PIMREG: variants seen among roughly 807,000 people sequenced by gnomAD.
PIMREG encodes the protein PICALM interacting mitotic regulator.
A neutral mutation model predicts 24.3 loss-of-function variants in PIMREG; 19 were observed. That is an observed-to-expected ratio of 0.78 (90% CI 0.54 to 1.15). PIMREG has a LOEUF of 1.15. PIMREG is among the 50% of genes most tolerant of loss of function. PIMREG has a pLI of 0.00. For synonymous variants in PIMREG, 112 were observed against 124.1 expected (o/e 0.90, Z 0.65); for missense variants, 283 against 306.8 (o/e 0.92, Z 0.58).
At chr17:6,449,695 T>G in intron 4 of PIMREG, 1 of 1,386,616 alleles carries the variant, frequency 7.2e-7, no homozygotes, top group East Asian at 2.6e-5. Flanking sequence ...AAACCTGCCC[T>G]TCCTCCAGAA....
At position 6,445,148 on chromosome 17, in the gene PIMREG, G is replaced by T. The variant is rs374481767; in HGVS notation, c.38G>T (p.Arg13Leu). 16 of 1,609,004 alleles carry T rather than the reference G, an allele frequency of 9.9e-6. No individual in the cohort carries two copies. The Admixed American group carries it at 2.5e-4, about 25-fold the overall frequency. The part of the protein sequence containing the change: ...SRWQNMGTSV[R>L]RRSLQHQEQL... ...TGGCAGAACATGGGGACCTCCGTGC[G>T]CCGGAGATCTCTCCAGCACCAGGAG... Residue 13 changes from arginine to leucine, a missense_variant, in exon 2 of 6, where the codon CGC (arginine) becomes CTC (leucine). Transcript: ENST00000572447.
chr17:6,448,486 G>A (rs1212367990), intron 3 of PIMREG, among the ~76,000 whole-genome samples: 1 of 152,108 alleles, frequency 6.6e-6, no homozygotes, highest in Non-Finnish European at 1.5e-5. Flanking sequence ...GGAACTTTGA[G>A]CTGTAATTAA....
chr17:6,450,025 T>C lies in PIMREG; in HGVS notation c.687-3T>C. 6.2e-7 allele frequency: 1 copy of C among 1,614,058 alleles called. No homozygotes were observed. Among genetic ancestry groups the C allele is most frequent in the East Asian group, 2.2e-5 (1 of 44,880 alleles). On this transcript the variant is annotated splice_region_variant and splice_polypyrimidine_tract_variant and intron_variant, in intron 4 of 5. Coordinates refer to ENST00000572447, the MANE Select transcript of PIMREG (RefSeq NM_019013.3). ...TGGCATCAATCCCTCCCCTTCTCTC[T>C]AGTGGTGACATCGTCTCTCTCATTC...
intron 3 of PIMREG, among the ~76,000 whole-genome samples, chr17:6,448,322 A>G (rs1474346238): frequency 1.3e-5 from 2 of 150,126 alleles, no homozygotes; most frequent in Non-Finnish European, 3.0e-5. Context: ...AAAGAAAACA[A>G]AACAACAACT....
At chr17:6,446,807 C>G (rs553896192) in intron 2 of PIMREG, among the ~76,000 whole-genome samples, 2 of 152,102 alleles carry the variant, frequency 1.3e-5, no homozygotes, top group Non-Finnish European at 2.9e-5. Flanking sequence ...GGGTGCTGGG[C>G]GGGGTGGCCT....
At chr17:6,448,923 C>T (rs1321826647) in intron 3 of PIMREG, among the ~76,000 whole-genome samples, 3 of 152,220 alleles carry the variant, frequency 2.0e-5, no homozygotes, top group Non-Finnish European at 2.9e-5. Context: ...CCCGGTTCCG[C>T]GTCCAGAGCC....
intron 3 of PIMREG, among the ~76,000 whole-genome samples, chr17:6,448,243 A>G (rs946965403): frequency 7.6e-6 from 1 of 130,792 alleles, no homozygotes; most frequent in Non-Finnish European, 1.6e-5. Flanking sequence ...AGATCGCGCC[A>G]CTGCACTCCA....
intron 5 of PIMREG, 29 bp downstream of exon 5, chr17:6,450,101 C>T (rs772932601): frequency 6.2e-7 from 1 of 1,608,302 alleles, no homozygotes; most frequent in East Asian, 2.2e-5. Context: ...GAGTCTTTCT[C>T]ACTGTCCTTC....
At chr17:6,447,187 C>G (rs541789384) in intron 2 of PIMREG, among the ~76,000 whole-genome samples, 49 of 152,086 alleles carry the variant, frequency 3.2e-4, no homozygotes, top group Non-Finnish European at 5.9e-4. Flanking sequence ...TCTCGGCTCA[C>G]TGCAACCTCC....
At chr17:6,449,772 G>A (rs1913741408) in intron 4 of PIMREG, 2 of 1,413,652 alleles carry the variant, frequency 1.4e-6, no homozygotes, top group African/African-American at 1.4e-5. Flanking sequence ...CTGCTATGGA[G>A]TTCCTGGTCT....
chr17:6,449,711 C>T (rs770320051), intron 4 of PIMREG: 9 of 1,395,640 alleles, frequency 6.4e-6, no homozygotes, highest in South Asian at 1.8e-5. Flanking sequence ...CAGAACTCTC[C>T]GTGGCTCGTC....
At chr17:6,449,482 G>A in intron 4 of PIMREG, 75 bp downstream of exon 4, 1 of 1,381,252 alleles carries the variant, frequency 7.2e-7, no homozygotes, top group East Asian at 2.3e-5. Flanking sequence ...GCAGGCGTTG[G>A]TTCTGCTCTG....
chr17:6,450,713 C>T lies in PIMREG; in HGVS notation c.*366C>T, dbSNP rs1051443. 2.7e-6 allele frequency: 1 copy of T among 372,258 alleles called. No homozygotes were observed. Among genetic ancestry groups the T allele is most frequent in the South Asian group, 9.1e-5 (1 of 10,976 alleles). 23.1% of individuals were successfully genotyped at this position (372,258 alleles called of 1,614,324 possible). On this transcript the variant is annotated 3_prime_UTR_variant, in exon 6 of 6. Coordinates refer to ENST00000572447, the MANE Select transcript of PIMREG (RefSeq NM_019013.3). Reference sequence around the variant, plus strand: ...ATCAGATATTTGAGAGCTCTTAGCTCTGTACCCGGGTGCCTGGTTTTTGGG... The same window carrying T: ...ATCAGATATTTGAGAGCTCTTAGCTTTGTACCCGGGTGCCTGGTTTTTGGG...
chr17:6,444,764 G>C lies in PIMREG; in HGVS notation c.-36+276G>C, dbSNP rs1913507042. Among the ~76,000 whole-genome samples the C allele has an allele frequency of 2.6e-5, 4 of 152,084 alleles. No individual in the cohort carries two copies. The highest frequency in any genetic ancestry group is 2.6e-4 in the Admixed American group (4 of 15,268). ...TGAAGAAGATGGTGATCGTGTCCTGGGCCCAGCGCTGAAGCTCGGCTACGG... is the reference window on the plus strand; with the variant it reads ...TGAAGAAGATGGTGATCGTGTCCTGCGCCCAGCGCTGAAGCTCGGCTACGG... On this transcript the variant is annotated intron_variant, in intron 1 of 5. Transcript: ENST00000572447. This position sits in a 1 kb window ranked among gnomAD's most constrained non-coding sequence, Gnocchi z 4.3.
In PIMREG at chr17:6,450,638, A is replaced by G; in HGVS notation, c.*291A>G. On this transcript the variant is annotated 3_prime_UTR_variant, in exon 6 of 6. Coordinates refer to ENST00000572447, the MANE Select transcript of PIMREG (RefSeq NM_019013.3). ...TCTTGAGCTTAGAAACTCATCGTACACTTGACCTTGAGCCTTCTATTTGCC... is the reference window on the plus strand; with the variant it reads ...TCTTGAGCTTAGAAACTCATCGTACGCTTGACCTTGAGCCTTCTATTTGCC... The G allele has an allele frequency of 2.0e-6, 1 of 496,128 alleles. No individual in the cohort carries two copies. Among genetic ancestry groups the G allele is most frequent in the South Asian group, 3.9e-5 (1 of 25,500 alleles). 30.7% of individuals were successfully genotyped at this position (496,128 alleles called of 1,614,324 possible). A position where few individuals can be genotyped will look rare whatever the true frequency, so the allele number is the denominator to read the frequency against.
chr17:6,447,097 G>A (rs1913600685), intron 2 of PIMREG, among the ~76,000 whole-genome samples: 1 of 94,792 alleles, frequency 1.1e-5, no homozygotes, highest in Non-Finnish European at 2.7e-5. Context: ...GCTCACCCTT[G>A]GTTTTTTTTT....
At chr17:6,447,984 T>C (rs1913651193) in intron 3 of PIMREG, among the ~76,000 whole-genome samples, 1 of 151,936 alleles carries the variant, frequency 6.6e-6, no homozygotes, top group South Asian at 2.1e-4. Context: ...TATTTGCTCA[T>C]CAGAAAATGA....
In PIMREG at chr17:6,449,328, C is replaced by T. The variant is rs529735107; in HGVS notation, c.607C>T (p.Leu203=). ...TTCATGCAGCGAGTCTGACAGTGAC[C>T]TAGAGCCTGTGGGGGCGGGAATTCA... The part of the protein sequence containing the change: ...LCSPSESDSD[L]EPVGAGIQHL... Residue 203 remains leucine, a synonymous_variant, in exon 4 of 6, where the codon CTA becomes TTA. Coordinates refer to ENST00000572447, the MANE Select transcript of PIMREG (RefSeq NM_019013.3). 4 of 1,612,774 alleles carry T rather than the reference C, an allele frequency of 2.5e-6. No individual in the cohort carries two copies. In the South Asian group the frequency reaches 4.4e-5, roughly 18 times the overall value.
intron 4 of PIMREG, 165 bp from the exon 5 acceptor site, chr17:6,449,861 TTG>T (rs1913747943): frequency 4.3e-6 from 6 of 1,383,818 alleles, no homozygotes; most frequent in Non-Finnish European, 5.8e-6. Context: ...CCCATTCCAC[TTG>T]TATAATGGCC....
Sources: gnomAD v4.1 joint callset for allele counts (sites outside exome capture counted in the v4.1 genomes callset) on GRCh38, gnomAD v4.1.1 for gene constraint, Gnocchi (gnomAD v3.1) non-coding constraint, MANE v1.5 for transcripts, NCBI Gene and HGNC (gene_info 2026-07-23, HGNC 2026-07-21) for gene names.